Variants in RNF185 observed in about 807,000 individuals in gnomAD.
RNF185 encodes ring finger protein 185, also known as E3 ubiquitin-protein ligase RNF185.
RNF185 carries 13 observed loss-of-function variants against 24.9 expected under a neutral mutation model. That is an observed-to-expected ratio of 0.52 (90% CI 0.34 to 0.83). RNF185 has a LOEUF of 0.83. Ranked by LOEUF, RNF185 falls within the 40% of genes least tolerant of loss-of-function variation. RNF185 has a pLI of 0.01. For synonymous variants in RNF185, 79 were observed against 90.3 expected (o/e 0.88, Z 0.71); for missense variants, 184 against 244.7 (o/e 0.75, Z 1.65).
At chr22:31,174,970 G>A (rs1849636239) in intron 1 of RNF185, among the ~76,000 whole-genome samples, 1 of 151,898 alleles carries the variant, frequency 6.6e-6, no homozygotes, top group African/African-American at 2.4e-5. Context: ...CTACTTGGGA[G>A]GCTGAGATGG....
chr22:31,179,425 G>A (rs1483103566), intron 1 of RNF185, among the ~76,000 whole-genome samples: 1 of 152,148 alleles, frequency 6.6e-6, no homozygotes, highest in Non-Finnish European at 1.5e-5. Flanking sequence ...AGAAGAGGTG[G>A]CTCCAGGGAT....
intron 1 of RNF185, among the ~76,000 whole-genome samples, chr22:31,162,742 A>C (rs1923656285): frequency 6.7e-6 from 1 of 150,184 alleles, no homozygotes; most frequent in South Asian, 2.1e-4. Flanking sequence ...CTGTGAGCTA[A>C]GGGTGCTTTT....
chr22:31,196,985 A>G lies in RNF185; in HGVS notation c.358A>G (p.Arg120Gly). 1 of 1,613,758 alleles carries G rather than the reference A, an allele frequency of 6.2e-7. No homozygotes were observed. Among genetic ancestry groups the G allele is most frequent in the African/African-American group, 1.3e-5 (1 of 75,058 alleles). The change falls in exon 5 of 7, where the codon AGA becomes GGA. Residue 120 changes from arginine (R) to glycine (G), a missense_variant. Physicochemically the swap from Arg to Gly is moderately radical, Grantham distance 125 (BLOSUM62 -2). Transcript: ENST00000326132. The part of the protein sequence containing the change: ...PQGQRPEPEN[R>G]GGFQGFGFGD... ...AGGACAGAGGCCAGAGCCGGAGAAT[A>G]GAGGGGTGAGGAACATTCTAGGAGA... is the stretch of plus-strand genomic sequence containing the variant.
intron 5 of RNF185, among the ~76,000 whole-genome samples, chr22:31,200,343 C>CGA (rs1490075750): frequency 6.6e-6 from 1 of 151,914 alleles, no homozygotes; most frequent in Non-Finnish European, 1.5e-5. Context: ...GGTGACAGAG[C>CGA]GAGACCCTGT....
At chr22:31,198,702 T>TCC (rs1235776809) in intron 5 of RNF185, among the ~76,000 whole-genome samples, 11 of 142,744 alleles carry the variant, frequency 7.7e-5, no homozygotes, top group African/African-American at 2.9e-4. Context: ...CACTGCCACT[T>TCC]TCTTTTTTTT....
At chr22:31,191,118 T>G (rs1344269132) in intron 2 of RNF185, among the ~76,000 whole-genome samples, 1 of 152,240 alleles carries the variant, frequency 6.6e-6, no homozygotes, top group African/African-American at 2.4e-5. Flanking sequence ...GAATTATCCC[T>G]GTCGTTCAGT....
At position 31,204,590 on chromosome 22, in the gene RNF185, T is replaced by A. The variant is rs1396302359; in HGVS notation, c.*4T>A. On this transcript the variant is annotated 3_prime_UTR_variant, in exon 7 of 7. Coordinates refer to ENST00000326132, the MANE Select transcript of RNF185 (RefSeq NM_152267.4). ...GTTCTGGCTCCTGATTGCCTAATGC[T>A]GGGCTCCTGCCTACATCCGTGGCAG... is the stretch of plus-strand genomic sequence containing the variant. 2 of 1,547,196 alleles carry A rather than the reference T, an allele frequency of 1.3e-6. No homozygotes were observed. Among genetic ancestry groups the A allele is most frequent in the Admixed American group, 1.7e-5 (1 of 59,924 alleles).
At chr22:31,201,337 T>C (rs1160203186) in intron 5 of RNF185, among the ~76,000 whole-genome samples, 161 bp from the exon 6 acceptor site, 1 of 152,206 alleles carries the variant, frequency 6.6e-6, no homozygotes, top group East Asian at 1.9e-4. Context: ...TCAGGGTATA[T>C]ATGGGAGGAA....
chr22:31,194,252 AT>A (rs908506649), intron 3 of RNF185, among the ~76,000 whole-genome samples: 1 of 151,986 alleles, frequency 6.6e-6, no homozygotes, highest in South Asian at 2.1e-4. Flanking sequence ...CCAAAACGGG[AT>A]TTTTTTTATA....
intron 1 of RNF185, among the ~76,000 whole-genome samples, chr22:31,167,750 A>C (rs942890278): frequency 6.6e-6 from 1 of 151,620 alleles, no homozygotes; most frequent in African/African-American, 2.4e-5. Context: ...AATAGCTGGA[A>C]TTACAGGCGC....
At chr22:31,162,865 T>C (rs916167322) in intron 1 of RNF185, among the ~76,000 whole-genome samples, 4 of 151,364 alleles carry the variant, frequency 2.6e-5, no homozygotes, top group Admixed American at 6.6e-5. Flanking sequence ...CCTGGGTTCA[T>C]GCCATTCTCC....
At chr22:31,169,406 T>C (rs1328762304) in intron 1 of RNF185, among the ~76,000 whole-genome samples, 1 of 152,232 alleles carries the variant, frequency 6.6e-6, no homozygotes, top group Non-Finnish European at 1.5e-5. Context: ...ACTTTTTCTT[T>C]TGTTACCTGT....
Position 31,204,714 on chromosome 22 carries a change from T to G in RNF185, c.*128T>G, listed in dbSNP as rs1397596552. 3.4e-5 allele frequency: 21 copies of G among 619,770 alleles called. No individual in the cohort carries two copies. Among genetic ancestry groups the G allele is most frequent in the Non-Finnish European group, 5.8e-5 (20 of 343,308 alleles). The allele number at this position is 619,770 out of a possible 1,614,324, so 38.4% of individuals were successfully genotyped here. ...GTGGGATCAGTAACACATCAAGGAG[T>G]CTTGTTTCTTCATCAGAGCTTTGGA... On this transcript the variant is annotated 3_prime_UTR_variant, in exon 7 of 7. Transcript: ENST00000326132.
chr22:31,193,806 CA>C (rs2048177575), intron 3 of RNF185, among the ~76,000 whole-genome samples: 1 of 111,946 alleles, frequency 8.9e-6, no homozygotes, highest in Non-Finnish European at 1.9e-5. Context: ...GAAAAAAAAC[CA>C]AAAAACCGAA....
chr22:31,189,134 AATGT>A (rs1206296689), intron 2 of RNF185, among the ~76,000 whole-genome samples: 18 of 37,008 alleles, frequency 4.9e-4, no homozygotes, highest in Non-Finnish European at 8.3e-4. Context: ...TCAAAAAAAA[AATGT>A]GTGTGTGTGT....
At chr22:31,199,781 C>T (rs2048243072) in intron 5 of RNF185, among the ~76,000 whole-genome samples, 1 of 152,128 alleles carries the variant, frequency 6.6e-6, no homozygotes, top group African/African-American at 2.4e-5. Flanking sequence ...TTTTCCCTCC[C>T]TTTAGGTTTG....
intron 5 of RNF185, among the ~76,000 whole-genome samples, chr22:31,198,664 G>A (rs2048231153): frequency 7.0e-6 from 1 of 142,180 alleles, no homozygotes; most frequent in Admixed American, 7.1e-5. Flanking sequence ...CTCCCAAAGT[G>A]CTGGGATTAC....
intron 1 of RNF185, among the ~76,000 whole-genome samples, chr22:31,168,888 C>G (rs1284064319): frequency 6.6e-6 from 1 of 151,690 alleles, no homozygotes; most frequent in Non-Finnish European, 1.5e-5. Flanking sequence ...AAGTCCTTTG[C>G]CCCCCCGCCC....
At chr22:31,196,725 T>G (rs1220081021) in intron 4 of RNF185, among the ~76,000 whole-genome samples, 4 of 152,214 alleles carry the variant, frequency 2.6e-5, no homozygotes. Flanking sequence ...CATAACGAGT[T>G]GATTTTCTCC....
Sources: allele counts gnomAD v4.1 joint callset (sites outside exome capture counted in the v4.1 genomes callset), GRCh38; gene constraint gnomAD v4.1.1; transcripts MANE v1.5; gene names NCBI Gene and HGNC (gene_info 2026-07-23, HGNC 2026-07-21).